PDE4D: variants seen among roughly 807,000 people sequenced by gnomAD.
The protein encoded by PDE4D is 3',5'-cyclic-AMP phosphodiesterase 4D.
PDE4D carries 24 observed loss-of-function variants against 87.4 expected under a neutral mutation model. The ratio of observed to expected loss-of-function variants is 0.27; its 90% CI spans 0.20 to 0.39. The LOEUF (loss-of-function observed/expected upper bound fraction) is 0.39, where lower values mean the gene tolerates loss of function less well. Among genes scored for constraint, PDE4D ranks in the 10% least tolerant of loss-of-function variants. PDE4D has a pLI of 1.00. For synonymous variants in PDE4D, 384 were observed against 383.2 expected, an observed-to-expected ratio of 1.00 and a Z score of -0.02; for missense variants, 714 against 1,041.0, an observed-to-expected ratio of 0.69 and a Z score of 4.32.
chr5:60,490,369 G>T (rs1749467390), upstream of PDE4D: 1 of 152,138 alleles, frequency 6.6e-6, no homozygotes, highest in South Asian at 2.1e-4. Context: ...CAAAGGAAGT[G>T]ATGTCCCATT....
At chr5:59,983,759 A>T (rs1762144592) in intron 3 of PDE4D, among the ~76,000 whole-genome samples, 1 of 152,172 alleles carries the variant, frequency 6.6e-6, no homozygotes, top group Non-Finnish European at 1.5e-5. Flanking sequence ...TGCTGGTGGG[A>T]GGGTAAAAGA....
chr5:60,323,868 T>G (rs1489172061), intron 1 of PDE4D, among the ~76,000 whole-genome samples: 1 of 151,728 alleles, frequency 6.6e-6, no homozygotes, highest in Non-Finnish European at 1.5e-5. Flanking sequence ...CTCTGCCCCC[T>G]GCTCCCATTC....
intron 1 of PDE4D, among the ~76,000 whole-genome samples, chr5:60,440,780 T>C (rs949580086): frequency 2.0e-4 from 30 of 152,252 alleles, no homozygotes; most frequent in Non-Finnish European, 2.5e-4. Flanking sequence ...AGGATAATCA[T>C]TTAATTATTA....
intron 5 of PDE4D, among the ~76,000 whole-genome samples, chr5:59,115,470 T>C (rs897221072): frequency 1.3e-5 from 2 of 152,164 alleles, no homozygotes; most frequent in African/African-American, 2.4e-5. Context: ...CCAGCCTTTC[T>C]TAATTTGCTT....
At chr5:58,986,043 G>A (rs989844966) in intron 11 of PDE4D, among the ~76,000 whole-genome samples, 5 of 152,084 alleles carry the variant, frequency 3.3e-5, no homozygotes, top group South Asian at 4.1e-4. Flanking sequence ...ACACCTCATC[G>A]TCAAAAAAAC....
chr5:59,569,891 G>A (rs1002849035), intron 1 of PDE4D, among the ~76,000 whole-genome samples: 2 of 152,092 alleles, frequency 1.3e-5, no homozygotes, highest in Non-Finnish European at 2.9e-5. Context: ...AGGGTCAAGT[G>A]CATTCATTAC....
At chr5:60,160,116 T>C (rs1339123057) in intron 2 of PDE4D, among the ~76,000 whole-genome samples, 1 of 152,104 alleles carries the variant, frequency 6.6e-6, no homozygotes, top group East Asian at 1.9e-4. Flanking sequence ...TTCCACTTAA[T>C]GAATGGTAAA....
chr5:60,374,787 A>T (rs1231698564), intron 1 of PDE4D, among the ~76,000 whole-genome samples: 1 of 152,248 alleles, frequency 6.6e-6, no homozygotes, highest in African/African-American at 2.4e-5. Flanking sequence ...GCTAGGATCC[A>T]GACTTCATTT....
At chr5:60,202,296 G>T (rs1264163723) in intron 1 of PDE4D, among the ~76,000 whole-genome samples, 1 of 152,012 alleles carries the variant, frequency 6.6e-6, no homozygotes, top group Non-Finnish European at 1.5e-5. Context: ...CCTAGTAGCT[G>T]GGACTACAGG....
At chr5:59,128,143 T>TC (rs948408097) in intron 5 of PDE4D, among the ~76,000 whole-genome samples, 2 of 151,498 alleles carry the variant, frequency 1.3e-5, no homozygotes, top group Non-Finnish European at 2.9e-5. Context: ...ATAAGGCTAT[T>TC]CCCCCGACAC....
chr5:59,149,780 C>A (rs753869758), intron 5 of PDE4D, among the ~76,000 whole-genome samples: 2 of 116,758 alleles, frequency 1.7e-5, no homozygotes, highest in Non-Finnish European at 3.3e-5. Context: ...AATGGCTTAA[C>A]AAATATTTCC....
At chr5:60,273,813 A>T (rs10471476) in intron 1 of PDE4D, among the ~76,000 whole-genome samples, 129 of 151,970 alleles carry the variant, frequency 8.5e-4, no homozygotes, top group African/African-American at 3.0e-3. Flanking sequence ...GATGAGTTCT[A>T]GTCTGGGCAC....
chr5:59,868,183 T>C (rs1199582910), intron 1 of PDE4D, among the ~76,000 whole-genome samples: 1 of 152,176 alleles, frequency 6.6e-6, no homozygotes, highest in African/African-American at 2.4e-5. Context: ...CACAGATTTC[T>C]TGTTTATGTG....
At chr5:60,148,664 G>A (rs755694430) in intron 2 of PDE4D, among the ~76,000 whole-genome samples, 36 of 152,088 alleles carry the variant, frequency 2.4e-4, no homozygotes, top group Non-Finnish European at 4.4e-4. Flanking sequence ...AAACACTGTC[G>A]TTAATAGTTA....
intron 2 of PDE4D, among the ~76,000 whole-genome samples, chr5:60,010,680 T>C (rs1764938657): frequency 6.6e-6 from 1 of 152,146 alleles, no homozygotes; most frequent in Admixed American, 6.6e-5. Context: ...AAATGTTGTA[T>C]TTGTTTCAAA....
intron 1 of PDE4D, among the ~76,000 whole-genome samples, chr5:59,481,161 T>C (rs1416485143): frequency 6.6e-6 from 1 of 152,034 alleles, no homozygotes; most frequent in African/African-American, 2.4e-5. Context: ...ATACCCCACA[T>C]ACAGCCTTTA....
At chr5:60,151,374 A>T (rs1781482577) in intron 2 of PDE4D, among the ~76,000 whole-genome samples, 1 of 152,182 alleles carries the variant, frequency 6.6e-6, no homozygotes, top group African/African-American at 2.4e-5. Flanking sequence ...TAACAGTATT[A>T]AGTCTTCCCA....
intron 1 of PDE4D, among the ~76,000 whole-genome samples, chr5:59,701,196 C>T (rs1165440976): frequency 6.6e-6 from 1 of 152,120 alleles, no homozygotes; most frequent in East Asian, 1.9e-4. Context: ...CCTCTCTCCA[C>T]CCTACATTCA....
At chr5:59,415,893 A>G (rs1184732810) in intron 1 of PDE4D, among the ~76,000 whole-genome samples, 1 of 152,160 alleles carries the variant, frequency 6.6e-6, no homozygotes, top group Non-Finnish European at 1.5e-5. Context: ...AGTGTCTCAT[A>G]ATATTTCTAT....
Sources: gnomAD v4.1 joint callset for allele counts (sites outside exome capture counted in the v4.1 genomes callset) on GRCh38, gnomAD v4.1.1 for gene constraint, MANE v1.5 for transcripts, NCBI Gene and HGNC (gene_info 2026-07-23, HGNC 2026-07-21) for gene names.